Variants in ATP6V0A2 observed in about 807,000 individuals in gnomAD.
ATP6V0A2 encodes the protein V-type proton ATPase 116 kDa subunit a 2.
In ATP6V0A2, 58 loss-of-function variants were observed where a neutral mutation model predicts 104.4. The observed-to-expected ratio is 0.56, with a 90% CI of 0.45 to 0.69. ATP6V0A2 has a LOEUF of 0.69. Among genes scored for constraint, ATP6V0A2 ranks in the 30% least tolerant of loss-of-function variants. ATP6V0A2 has a pLI of 0.00. For missense variants in ATP6V0A2, 938 were observed against 1,062.9 expected, an observed-to-expected ratio of 0.88 and a Z score of 1.63; for synonymous variants, 376 against 397.9, an observed-to-expected ratio of 0.95 and a Z score of 0.65.
chr12:123,730,250 T>G (rs541826951), intron 6 of ATP6V0A2, among the ~76,000 whole-genome samples: 1 of 152,014 alleles, frequency 6.6e-6, no homozygotes, highest in South Asian at 2.1e-4. Context: ...AGAGACGGGG[T>G]TTCACTGTGT....
chr12:123,754,738 G>A (rs116455052), intron 18 of ATP6V0A2: 143 of 590,960 alleles, frequency 2.4e-4, no homozygotes, highest in African/African-American at 2.3e-3. Context: ...AAAAATCACA[G>A]AGGGAGTCTC....
At chr12:123,725,822 A>G (rs1956443934) in intron 4 of ATP6V0A2, among the ~76,000 whole-genome samples, 1 of 151,854 alleles carries the variant, frequency 6.6e-6, no homozygotes, top group African/African-American at 2.4e-5. Flanking sequence ...AAAAAATTAT[A>G]AGAATAAAGA....
At chr12:123,714,537 G>A (rs1291569246) in intron 1 of ATP6V0A2, among the ~76,000 whole-genome samples, 1 of 152,134 alleles carries the variant, frequency 6.6e-6, no homozygotes, top group Non-Finnish European at 1.5e-5. Context: ...GGGAAAGTTC[G>A]CACTTTTGTT....
At chr12:123,719,732 G>A (rs1250695054) in intron 2 of ATP6V0A2, among the ~76,000 whole-genome samples, 20 of 151,922 alleles carry the variant, frequency 1.3e-4, no homozygotes, top group Admixed American at 1.3e-3. Context: ...CCCTTATCTA[G>A]GTGCCCCAGT....
At chr12:123,712,760 G>A in intron 1 of ATP6V0A2, 78 bp downstream of exon 1, 1 of 1,268,182 alleles carries the variant, frequency 7.9e-7, no homozygotes, top group Admixed American at 1.9e-5. Context: ...GGGCCCTCCC[G>A]CGGGGAGCAC....
Position 123,722,462 on chromosome 12 carries a change from G to A in ATP6V0A2, c.294+14G>A. On this transcript the variant is annotated intron_variant, in intron 3 of 19. Transcript: ENST00000330342. ...CTAGAAATGCAGGTAACTTGCTTCT[G>A]ACGAAGCTGGTTGCAGCCATTGATC... 1 of 1,523,168 alleles carries A rather than the reference G, an allele frequency of 6.6e-7. No individual in the cohort carries two copies. Among genetic ancestry groups the A allele is most frequent in the Non-Finnish European group, 9.1e-7 (1 of 1,097,072 alleles). 94.4% of individuals were successfully genotyped at this position (1,523,168 alleles called of 1,614,324 possible). A position where few individuals can be genotyped will look rare whatever the true frequency, so the allele number is the denominator to read the frequency against.
chr12:123,751,225 A>G lies in ATP6V0A2; in HGVS notation c.2051A>G (p.Asn684Ser). The G allele has an allele frequency of 1.2e-6, 2 of 1,614,160 alleles. No individual in the cohort carries two copies. Among genetic ancestry groups the G allele is most frequent in the Non-Finnish European group, 1.7e-6 (2 of 1,180,032 alleles). Residue 684 changes from asparagine to serine, a missense_variant, in exon 16 of 20, where the codon AAC (asparagine) becomes AGC (serine). Physicochemically the swap from Asn to Ser is conservative, Grantham distance 46 (BLOSUM62 1). Transcript: ENST00000330342. ...AATGGGCGTAGTTGCTTCGGGGTGAACCGGGTAAGTGCGGGTTTGGATGCA... is the reference window on the plus strand; with the variant it reads ...AATGGGCGTAGTTGCTTCGGGGTGAGCCGGGTAAGTGCGGGTTTGGATGCA... Reference protein sequence around the residue: ...LHNGRSCFGVNRSGYTLIRKD... With the variant: ...LHNGRSCFGVSRSGYTLIRKD...
In ATP6V0A2 at chr12:123,751,163, C is replaced by T. The variant is rs1196490909; in HGVS notation, c.1989C>T (p.Leu663=). ...LVVTALSVPV[L]FLGKPLFLLW... Reference sequence around the variant, plus strand: ...TCACAGCATTGTCTGTCCCTGTCCTCTTCTTGGGAAAGCCACTGTTTTTGT... The same window carrying T: ...TCACAGCATTGTCTGTCCCTGTCCTTTTCTTGGGAAAGCCACTGTTTTTGT... The change falls in exon 16 of 20, where the codon CTC becomes CTT. Residue 663 remains leucine (L), a synonymous_variant. Coordinates refer to ENST00000330342, the MANE Select transcript of ATP6V0A2 (RefSeq NM_012463.4). 1 of 1,614,182 alleles carries T rather than the reference C, an allele frequency of 6.2e-7. No homozygotes were observed. The highest frequency in any genetic ancestry group is 2.2e-5 in the East Asian group (1 of 44,866).
intron 8 of ATP6V0A2, 108 bp from the exon 9 acceptor site, chr12:123,736,951 A>C: frequency 9.1e-7 from 1 of 1,103,198 alleles, no homozygotes; most frequent in Non-Finnish European, 1.4e-6. Flanking sequence ...GGTGCCTGGA[A>C]TGATCCTCTG....
At chr12:123,726,380 A>G in intron 5 of ATP6V0A2, 95 bp downstream of exon 5, 1 of 878,912 alleles carries the variant, frequency 1.1e-6, no homozygotes, top group Non-Finnish European at 1.9e-6. Context: ...ACCATTTTAA[A>G]GCCTAGGGTT....
At chr12:123,717,659 G>C (rs1474911156) in intron 1 of ATP6V0A2, among the ~76,000 whole-genome samples, 1 of 151,804 alleles carries the variant, frequency 6.6e-6, no homozygotes, top group South Asian at 2.1e-4. Flanking sequence ...GCCCAGGCTG[G>C]CCTCAAACTA....
At chr12:123,725,061 G>C (rs574298749) in intron 4 of ATP6V0A2, among the ~76,000 whole-genome samples, 1 of 151,988 alleles carries the variant, frequency 6.6e-6, no homozygotes, top group African/African-American at 2.4e-5. Flanking sequence ...TCAGCCTCTC[G>C]AATAGCTGGG....
chr12:123,746,352 G>T lies in ATP6V0A2; in HGVS notation c.1606-1255G>T, dbSNP rs1956661967. On this transcript the variant is annotated intron_variant, in intron 13 of 19. Coordinates refer to ENST00000330342, the MANE Select transcript of ATP6V0A2 (RefSeq NM_012463.4). ...ACGTATTTTAAAATAATATATAAAAGTATGTATAATATAAATATATCAGCG... is the reference window on the plus strand; with the variant it reads ...ACGTATTTTAAAATAATATATAAAATTATGTATAATATAAATATATCAGCG... Among the ~76,000 whole-genome samples, 4 of 151,878 alleles carry T rather than the reference G, an allele frequency of 2.6e-5. No individual in the cohort carries two copies. The South Asian group carries it at 8.3e-4, about 31-fold the overall frequency.
At chr12:123,749,087 C>T (rs1246028754) in intron 15 of ATP6V0A2, among the ~76,000 whole-genome samples, 4 of 152,126 alleles carry the variant, frequency 2.6e-5, no homozygotes, top group East Asian at 1.9e-4. Flanking sequence ...CCCGTGAGTT[C>T]GAGACCAGCC....
intron 6 of ATP6V0A2, among the ~76,000 whole-genome samples, chr12:123,729,870 A>AGT (rs1956484092): frequency 2.0e-5 from 3 of 152,032 alleles, no homozygotes; most frequent in African/African-American, 7.2e-5. Context: ...GCTGGAGTGC[A>AGT]GTGGCATGAT....
intron 18 of ATP6V0A2, among the ~76,000 whole-genome samples, chr12:123,755,901 G>C (rs1049457184): frequency 2.0e-5 from 3 of 151,774 alleles, no homozygotes; most frequent in Non-Finnish European, 2.9e-5. Context: ...GCTAACACGT[G>C]AAACCCTGTC....
chr12:123,740,145 A>AAAACAAACAAAC (rs10661679), intron 9 of ATP6V0A2, among the ~76,000 whole-genome samples: 124 of 148,724 alleles, frequency 8.3e-4, no homozygotes, highest in Middle Eastern at 3.4e-3. Context: ...CCTTGTCTCA[A>AAAACAAACAAAC]AAACAAACAA....
rs772770008 is a variant in ATP6V0A2 at position 123,758,523 on chromosome 12, CTT to C, written c.*505_*506del. 18 of 139,990 alleles carry C rather than the reference CTT, an allele frequency of 1.3e-4. No individual in the cohort carries two copies. Among genetic ancestry groups the C allele is most frequent in the South Asian group, 2.3e-4 (1 of 4,346 alleles). 8.7% of individuals were successfully genotyped at this position (139,990 alleles called of 1,614,324 possible). On this transcript the variant is annotated 3_prime_UTR_variant, in exon 20 of 20. Transcript: ENST00000330342. ...ATTCTGCTGGATTTAAAAATATGTA[CTT>C]TTTTTTTTTTTTTGAGATGAAGTCT... is the stretch of plus-strand genomic sequence containing the variant.
chr12:123,754,718 AGT>A, intron 18 of ATP6V0A2, 181 bp downstream of exon 18: 3 of 609,108 alleles, frequency 4.9e-6, no homozygotes, highest in Middle Eastern at 4.4e-4. Flanking sequence ...TTGGCTGAGG[AGT>A]GCTGTGGAAA....
Sources: gnomAD v4.1 joint callset for allele counts (sites outside exome capture counted in the v4.1 genomes callset) on GRCh38, gnomAD v4.1.1 for gene constraint, MANE v1.5 for transcripts, NCBI Gene and HGNC (gene_info 2026-07-23, HGNC 2026-07-21) for gene names.